Variants in CCDC25 observed in about 807,000 individuals in gnomAD.
CCDC25 encodes coiled-coil domain containing 25, also known as coiled-coil domain-containing protein 25.
Under a neutral mutation model 35.3 loss-of-function variants are expected in CCDC25, and 16 were observed. That is an observed-to-expected ratio of 0.45 (90% CI 0.31 to 0.69). CCDC25 has a LOEUF of 0.69. Among genes scored for constraint, CCDC25 ranks in the 30% least tolerant of loss-of-function variants. CCDC25 has a pLI of 0.06. For synonymous variants in CCDC25, 79 were observed against 80.3 expected (o/e 0.98, Z 0.09); for missense variants, 179 against 250.7 (o/e 0.71, Z 1.93).
At chr8:27,753,241 G>C (rs1585357766) in intron 4 of CCDC25, among the ~76,000 whole-genome samples, 1 of 152,198 alleles carries the variant, frequency 6.6e-6, no homozygotes, top group East Asian at 1.9e-4. Flanking sequence ...GAGTCACGTG[G>C]TGAGTAAGCA....
intron 3 of CCDC25, among the ~76,000 whole-genome samples, chr8:27,759,531 C>T (rs1157538198): frequency 6.7e-6 from 1 of 150,210 alleles, no homozygotes; most frequent in Non-Finnish European, 1.5e-5. Flanking sequence ...ACCACTTGAA[C>T]CCGGGAGGTG....
chr8:27,752,627 T>C (rs760106680), intron 4 of CCDC25, 40 bp from the exon 5 acceptor site: 19 of 1,489,566 alleles, frequency 1.3e-5, no homozygotes, highest in Non-Finnish European at 1.6e-5. Context: ...ACTACCTCAT[T>C]ATCCATTGAC....
In CCDC25 at chr8:27,733,707, T is replaced by C. The variant is rs1363649047; in HGVS notation, c.*2509A>G. ...TCATTTTGAATATGGAAATTTGTTATTTACATGCTGTACCTCAAATCAAAG... is the reference window on the plus strand; with the variant it reads ...TCATTTTGAATATGGAAATTTGTTACTTACATGCTGTACCTCAAATCAAAG... On this transcript the variant is annotated 3_prime_UTR_variant, in exon 9 of 9. Coordinates refer to ENST00000356537, the MANE Select transcript of CCDC25 (RefSeq NM_018246.3). 1.3e-5 allele frequency: 2 copies of C among 152,246 alleles called. No homozygotes were observed. The highest frequency in any genetic ancestry group is 2.9e-5 in the Non-Finnish European group (2 of 68,042). 9.4% of individuals were successfully genotyped at this position (152,246 alleles called of 1,614,324 possible).
intron 1 of CCDC25, among the ~76,000 whole-genome samples, chr8:27,769,201 T>A (rs1273318281): frequency 2.0e-5 from 3 of 152,226 alleles, no homozygotes; most frequent in Non-Finnish European, 4.4e-5. Flanking sequence ...TTCCATTAAC[T>A]TTGCAGTTTT....
At chr8:27,740,248 G>C (rs1405022286) in intron 8 of CCDC25, among the ~76,000 whole-genome samples, 1 of 152,174 alleles carries the variant, frequency 6.6e-6, no homozygotes, top group Non-Finnish European at 1.5e-5. Flanking sequence ...GACAAGCTCT[G>C]ACAATCTCTT....
intron 3 of CCDC25, among the ~76,000 whole-genome samples, chr8:27,761,189 A>C (rs116430880): frequency 1.2e-3 from 182 of 152,324 alleles, no homozygotes; most frequent in African/African-American, 4.2e-3. Flanking sequence ...CTCTATCACT[A>C]GAGGGAAATA....
Position 27,765,226 on chromosome 8 carries a change from G to A in CCDC25, c.54C>T (p.Tyr18=), listed in dbSNP as rs1176181318. The A allele has an allele frequency of 3.3e-6, 5 of 1,505,738 alleles. No homozygotes were observed. The highest frequency in any genetic ancestry group is 1.4e-5 in the African/African-American group (1 of 72,056). 93.3% of individuals were successfully genotyped at this position (1,505,738 alleles called of 1,614,324 possible). A position where few individuals can be genotyped will look rare whatever the true frequency, so the allele number is the denominator to read the frequency against. ...SSVNSSAYTI[Y]MGKDKYENED... is the part of the protein sequence containing the mutation. Reference sequence around the variant, plus strand: ...TACTTTCATATTTATCTTTTCCCATGTAAATAGTGTAGGCAGATGAATTAA... The same window carrying A: ...TACTTTCATATTTATCTTTTCCCATATAAATAGTGTAGGCAGATGAATTAA... Residue 18 remains tyrosine (Y), a synonymous_variant, in exon 2 of 9, where the codon TAC becomes TAT. Coordinates refer to ENST00000356537, the MANE Select transcript of CCDC25 (RefSeq NM_018246.3).
intron 1 of CCDC25, among the ~76,000 whole-genome samples, chr8:27,767,060 C>A (rs1160318595): frequency 6.6e-6 from 1 of 152,074 alleles, no homozygotes; most frequent in Non-Finnish European, 1.5e-5. Context: ...GTAATTAGAA[C>A]AGAATTTTCA....
chr8:27,748,689 G>A, intron 5 of CCDC25, 91 bp from the exon 6 acceptor site: 1 of 932,408 alleles, frequency 1.1e-6, no homozygotes, highest in South Asian at 1.4e-5. Flanking sequence ...AAGCCAACAA[G>A]GGAAACGGCT....
intron 7 of CCDC25, among the ~76,000 whole-genome samples, chr8:27,743,404 C>T (rs1010435544): frequency 3.3e-5 from 5 of 152,226 alleles, no homozygotes; most frequent in Non-Finnish European, 5.9e-5. Flanking sequence ...AAGACAAACA[C>T]GGCCAGCAAG....
At chr8:27,761,320 A>G (rs917149137) in intron 3 of CCDC25, among the ~76,000 whole-genome samples, 1 of 152,156 alleles carries the variant, frequency 6.6e-6, no homozygotes, top group Non-Finnish European at 1.5e-5. Flanking sequence ...AGAAGCAGTG[A>G]CTTAGAACCA....
chr8:27,769,419 C>T (rs1307327557), intron 1 of CCDC25, among the ~76,000 whole-genome samples: 1 of 152,160 alleles, frequency 6.6e-6, no homozygotes, highest in African/African-American at 2.4e-5. Context: ...AATAGAACAG[C>T]ACAAAATACA....
chr8:27,761,178 A>G (rs1259121691), intron 3 of CCDC25, among the ~76,000 whole-genome samples: 1 of 152,052 alleles, frequency 6.6e-6, no homozygotes, highest in African/African-American at 2.4e-5. Flanking sequence ...CAGTAGCCCA[A>G]CTCTATCACT....
At chr8:27,757,745 T>C (rs899236965) in intron 3 of CCDC25, among the ~76,000 whole-genome samples, 12 of 152,184 alleles carry the variant, frequency 7.9e-5, no homozygotes, top group South Asian at 4.1e-4. Flanking sequence ...CTTTAGTTGA[T>C]ATGATTTGGA....
In CCDC25 at chr8:27,748,416, C is replaced by T. The variant is rs76860931; in HGVS notation, c.348+79G>A. 33 of 1,350,154 alleles carry T rather than the reference C, an allele frequency of 2.4e-5. No individual in the cohort carries two copies. In the East Asian group the frequency reaches 6.4e-4, roughly 26 times the overall value. 83.6% of individuals were successfully genotyped at this position (1,350,154 alleles called of 1,614,324 possible). A position where few individuals can be genotyped will look rare whatever the true frequency, so the allele number is the denominator to read the frequency against. On this transcript the variant is annotated intron_variant, in intron 6 of 8. Transcript: ENST00000356537. ...ATATATCATGCTCAGCCCTCAACAA[C>T]AATGGTGTCAGACAGAAAAGATAGG...
At chr8:27,756,855 A>C (rs1804022699) in intron 3 of CCDC25, 85 bp from the exon 4 acceptor site, 5 of 981,604 alleles carry the variant, frequency 5.1e-6, no homozygotes, top group Middle Eastern at 4.1e-4. Flanking sequence ...ATTCTGTTCT[A>C]AAAAGTCTTC....
At chr8:27,753,086 C>G (rs1803873357) in intron 4 of CCDC25, 1 of 152,308 alleles carries the variant, frequency 6.6e-6, no homozygotes, top group African/African-American at 2.4e-5. Flanking sequence ...TTGTGTAGAT[C>G]TCAACCATTC....
In CCDC25 at chr8:27,748,558, C is replaced by A. The variant is rs765484544; in HGVS notation, c.285G>T (p.Trp95Cys). The A allele has an allele frequency of 6.2e-7, 1 of 1,613,684 alleles. No homozygotes were observed. Among genetic ancestry groups the A allele is most frequent in the Non-Finnish European group, 8.5e-7 (1 of 1,179,934 alleles). ...TGTCAGCTGTTTTCTTCAGGTTAGA[C>A]CACGGCGTATATACCACATTAACGT... is the stretch of plus-strand genomic sequence containing the variant. ...MNNVNVVYTP[W>C]SNLKKTADMD... Residue 95 changes from tryptophan (W) to cysteine (C), a missense_variant, in exon 6 of 9, where the codon TGG becomes TGT. Transcript: ENST00000356537.
At chr8:27,765,348 G>T in intron 1 of CCDC25, 97 bp from the exon 2 acceptor site, 1 of 974,528 alleles carries the variant, frequency 1.0e-6, no homozygotes, top group East Asian at 3.2e-5. Context: ...CTAGGGGCTG[G>T]CAAACCATGG....
Sources: allele counts gnomAD v4.1 joint callset (sites outside exome capture counted in the v4.1 genomes callset), GRCh38; gene constraint gnomAD v4.1.1; transcripts MANE v1.5; gene names NCBI Gene and HGNC (gene_info 2026-07-23, HGNC 2026-07-21).